ZMYND11: variants seen among roughly 807,000 people sequenced by gnomAD.
ZMYND11 encodes the protein zinc finger MYND domain-containing protein 11.
In ZMYND11, 9 loss-of-function variants were observed where a neutral mutation model predicts 84.9. That is an observed-to-expected ratio of 0.11 (90% CI 0.06 to 0.18). The LOEUF (loss-of-function observed/expected upper bound fraction) is 0.18, where lower values mean the gene tolerates loss of function less well. Among genes scored for constraint, ZMYND11 ranks in the 10% least tolerant of loss-of-function variants. The pLI, the probability that ZMYND11 is intolerant of heterozygous loss-of-function variation, is 1.00. For synonymous variants in ZMYND11, 250 were observed against 244.1 expected (o/e 1.02, Z -0.23); for missense variants, 409 against 761.0 (o/e 0.54, Z 5.44).
chr10:190,565 G>T (rs1379840313), intron 2 of ZMYND11, among the ~76,000 whole-genome samples: 2 of 152,092 alleles, frequency 1.3e-5, no homozygotes, highest in Non-Finnish European at 2.9e-5. Context: ...CTAAATTTTA[G>T]GTCTGGTTAT....
At chr10:205,685 G>C (rs913711823) in intron 2 of ZMYND11, among the ~76,000 whole-genome samples, 3 of 151,432 alleles carry the variant, frequency 2.0e-5, no homozygotes, top group African/African-American at 7.3e-5. Context: ...GTGAGACCCT[G>C]TACAAAAAAT....
At chr10:209,100 A>G (rs1411557395) in intron 2 of ZMYND11, among the ~76,000 whole-genome samples, 3 of 152,048 alleles carry the variant, frequency 2.0e-5, no homozygotes, top group Non-Finnish European at 4.4e-5. Context: ...AGAGTGGAAA[A>G]TGGCACAAAT....
chr10:168,682 T>C (rs556688912), intron 1 of ZMYND11, among the ~76,000 whole-genome samples: 1 of 152,122 alleles, frequency 6.6e-6, no homozygotes, highest in East Asian at 1.9e-4. Flanking sequence ...AAAATAATAA[T>C]AATAAACAAA....
At chr10:180,228 T>C in intron 2 of ZMYND11, 100 bp downstream of exon 2, 1 of 783,196 alleles carries the variant, frequency 1.3e-6, no homozygotes, top group Non-Finnish European at 2.0e-6. Flanking sequence ...CAACATATAT[T>C]ACAAAGAACT....
intron 1 of ZMYND11, among the ~76,000 whole-genome samples, chr10:149,456 G>A (rs886707161): frequency 5.9e-5 from 9 of 151,794 alleles, no homozygotes; most frequent in Admixed American, 2.0e-4. Context: ...GACTACAGGC[G>A]CCTACCACCA....
chr10:195,263 G>A (rs1941453704), intron 2 of ZMYND11, among the ~76,000 whole-genome samples: 1 of 152,216 alleles, frequency 6.6e-6, no homozygotes, highest in African/African-American at 2.4e-5. Context: ...GAAGTTCTCA[G>A]TGGCTAACGT....
At chr10:204,489 A>G (rs1474139157) in intron 2 of ZMYND11, among the ~76,000 whole-genome samples, 3 of 152,164 alleles carry the variant, frequency 2.0e-5, no homozygotes, top group Admixed American at 6.5e-5. Flanking sequence ...TTATTGAACT[A>G]TATACTTAAT....
At chr10:219,878 A>G (rs748526781) in intron 3 of ZMYND11, among the ~76,000 whole-genome samples, 5 of 152,236 alleles carry the variant, frequency 3.3e-5, no homozygotes, top group Non-Finnish European at 7.3e-5. Context: ...CAATTTCTTA[A>G]TAAAAAGCAA....
intron 2 of ZMYND11, among the ~76,000 whole-genome samples, chr10:188,591 CAAAAAA>C (rs57541654): frequency 1.7e-5 from 2 of 120,094 alleles, no homozygotes; most frequent in African/African-American, 6.1e-5. Flanking sequence ...GACCCTGTCT[CAAAAAA>C]AAAAAAAAAA....
chr10:252,579 C>T lies in ZMYND11; in HGVS notation c.*109C>T. 1 of 1,435,206 alleles carries T rather than the reference C, an allele frequency of 7.0e-7. No individual in the cohort carries two copies. Among genetic ancestry groups the T allele is most frequent in the Non-Finnish European group, 9.2e-7 (1 of 1,089,908 alleles). 88.9% of individuals were successfully genotyped at this position (1,435,206 alleles called of 1,614,324 possible). A position where few individuals can be genotyped will look rare whatever the true frequency, so the allele number is the denominator to read the frequency against. Reference sequence around the variant, plus strand: ...AATTTGCTTCCCATTTTGCACCAGCCTTTAAACACTTTTCGTGAAGAAATT... The same window carrying T: ...AATTTGCTTCCCATTTTGCACCAGCTTTTAAACACTTTTCGTGAAGAAATT... On this transcript the variant is annotated 3_prime_UTR_variant, in exon 15 of 15. Coordinates refer to ENST00000381604, the MANE Select transcript of ZMYND11 (RefSeq NM_001370100.5). The surrounding 1 kb of genome is among the most constrained non-coding windows in gnomAD (Gnocchi z 4.6).
intron 1 of ZMYND11, among the ~76,000 whole-genome samples, chr10:166,041 C>T (rs931535217): frequency 6.6e-6 from 1 of 152,040 alleles, no homozygotes; most frequent in African/African-American, 2.4e-5. Context: ...GCCAAGATAA[C>T]TTGATTTCCA....
intron 4 of ZMYND11, among the ~76,000 whole-genome samples, chr10:230,594 C>T (rs1209342676): frequency 6.6e-6 from 1 of 151,386 alleles, no homozygotes; most frequent in Non-Finnish European, 1.5e-5. Flanking sequence ...GCTATGCTCA[C>T]TAATATTTCA....
chr10:184,445 T>C (rs557774151), intron 2 of ZMYND11, among the ~76,000 whole-genome samples: 2 of 152,292 alleles, frequency 1.3e-5, no homozygotes, highest in Admixed American at 6.5e-5. Context: ...GCAACCTCTT[T>C]TTATGTAACA....
intron 11 of ZMYND11, 148 bp from the exon 12 acceptor site, chr10:247,250 A>T: frequency 1.1e-6 from 1 of 949,768 alleles, no homozygotes; most frequent in Non-Finnish European, 1.6e-6. Context: ...CCAGAACAGT[A>T]AATTAAGTCA....
At chr10:163,509 G>A (rs1554762694) in intron 1 of ZMYND11, among the ~76,000 whole-genome samples, 2 of 151,670 alleles carry the variant, frequency 1.3e-5, no homozygotes, top group Admixed American at 6.6e-5. Flanking sequence ...ACCCTTTAAC[G>A]GAATTTGTTA....
At chr10:180,646 G>A (rs1394800362) in intron 2 of ZMYND11, among the ~76,000 whole-genome samples, 1 of 152,154 alleles carries the variant, frequency 6.6e-6, no homozygotes, top group Non-Finnish European at 1.5e-5. Flanking sequence ...TGATTCGCCC[G>A]CCTTGGCGTC....
chr10:175,505 G>C (rs1296445020), intron 1 of ZMYND11, among the ~76,000 whole-genome samples: 1 of 152,116 alleles, frequency 6.6e-6, no homozygotes, highest in Non-Finnish European at 1.5e-5. Flanking sequence ...GGAGGTGGAG[G>C]TTGCAGTGAG....
chr10:198,002 AC>A, intron 2 of ZMYND11: 1 of 620,530 alleles, frequency 1.6e-6, no homozygotes, highest in Non-Finnish European at 2.9e-6. Context: ...ATTGTTATAA[AC>A]TGGTAAGTAA....
Position 252,155 on chromosome 10 carries a change from G to GA in ZMYND11, c.1687-192dup, listed in dbSNP as rs1304816496. 6.6e-6 allele frequency among the ~76,000 whole-genome samples: 1 copy of GA among 152,138 alleles called. No individual in the cohort carries two copies. Among genetic ancestry groups the GA allele is most frequent in the Non-Finnish European group, 1.5e-5 (1 of 68,018 alleles). ...CACCTGACAGCAGCTTGAGTTTGCTGACAACCAGGCATGAGCTGCAGTCAT... is the reference window on the plus strand; with the variant it reads ...CACCTGACAGCAGCTTGAGTTTGCTGAACAACCAGGCATGAGCTGCAGTCAT... On this transcript the variant is annotated intron_variant, in intron 14 of 14. Coordinates refer to ENST00000381604, the MANE Select transcript of ZMYND11 (RefSeq NM_001370100.5). The surrounding 1 kb of genome is among the most constrained non-coding windows in gnomAD (Gnocchi z 4.6).
Sources: allele counts gnomAD v4.1 joint callset (sites outside exome capture counted in the v4.1 genomes callset), GRCh38; gene constraint gnomAD v4.1.1; non-coding constraint Gnocchi (gnomAD v3.1); transcripts MANE v1.5; gene names NCBI Gene and HGNC (gene_info 2026-07-23, HGNC 2026-07-21).